Variants in ZNF804B observed in about 807,000 individuals in gnomAD.
The protein encoded by ZNF804B is zinc finger protein 804B.
Under a neutral mutation model 101.4 loss-of-function variants are expected in ZNF804B, and 80 were observed. The observed-to-expected ratio is 0.79, with a 90% CI of 0.66 to 0.95. ZNF804B has a LOEUF of 0.95. Ranked by LOEUF, ZNF804B falls within the 40% of genes least tolerant of loss-of-function variation. The pLI, the probability that ZNF804B is intolerant of heterozygous loss-of-function variation, is 0.00. For synonymous variants in ZNF804B, 622 were observed against 558.8 expected, an observed-to-expected ratio of 1.11 and a Z score of -1.59; for missense variants, 1,673 against 1,561.9, an observed-to-expected ratio of 1.07 and a Z score of -1.20.
chr7:89,267,324 T>C (rs1789812813), intron 2 of ZNF804B, among the ~76,000 whole-genome samples: 1 of 152,192 alleles, frequency 6.6e-6, no homozygotes, highest in South Asian at 2.1e-4. Context: ...ATAGTAGCTA[T>C]TTGATATCAG....
chr7:89,334,104 C>T lies in ZNF804B; in HGVS notation c.1122C>T (p.Asn374=), dbSNP rs1791032472. ...CCTTCAGCCCACCAAACATTTACAA[C>T]CATAGTGATGCCAGGATATCTGAAT... The part of the protein sequence containing the change: ...NASFSPPNIY[N]HSDARISECL... The change falls in exon 4 of 4, where the codon AAC becomes AAT. Residue 374 remains asparagine (N), a synonymous_variant. Transcript: ENST00000333190. 2 of 1,613,608 alleles carry T rather than the reference C, an allele frequency of 1.2e-6. No individual in the cohort carries two copies. The highest frequency in any genetic ancestry group is 2.2e-5 in the East Asian group (1 of 44,880).
chr7:88,928,093 C>A (rs1792833436), intron 1 of ZNF804B, among the ~76,000 whole-genome samples: 1 of 152,242 alleles, frequency 6.6e-6, no homozygotes, highest in African/African-American at 2.4e-5. Context: ...GACCAGTCTT[C>A]CAGAAGCTGG....
intron 2 of ZNF804B, among the ~76,000 whole-genome samples, chr7:89,289,149 A>G (rs61385983): frequency 7.2e-6 from 1 of 139,604 alleles, no homozygotes; most frequent in Admixed American, 7.2e-5. Flanking sequence ...AATCTATTAC[A>G]ATGGTAAGAA....
chr7:89,103,568 G>A (rs1790092610), intron 1 of ZNF804B, among the ~76,000 whole-genome samples: 1 of 151,764 alleles, frequency 6.6e-6, no homozygotes, highest in Admixed American at 6.6e-5. Context: ...AAGTGCTACT[G>A]ATTTTTGTTT....
intron 1 of ZNF804B, among the ~76,000 whole-genome samples, chr7:89,027,362 A>G (rs1788766741): frequency 6.6e-6 from 1 of 152,158 alleles, no homozygotes; most frequent in South Asian, 2.1e-4. Flanking sequence ...ACAATGGTAG[A>G]TGGACTAACC....
At chr7:89,315,143 TG>T (rs905815746) in intron 2 of ZNF804B, among the ~76,000 whole-genome samples, 2 of 152,006 alleles carry the variant, frequency 1.3e-5, no homozygotes, top group African/African-American at 4.8e-5. Flanking sequence ...TGTCACATGG[TG>T]AGAGCGAGAG....
chr7:89,194,853 G>A (rs969461270), intron 1 of ZNF804B, among the ~76,000 whole-genome samples: 1 of 151,962 alleles, frequency 6.6e-6, no homozygotes, highest in Non-Finnish European at 1.5e-5. Flanking sequence ...TGTGAAGAAA[G>A]TCATTGGTTG....
chr7:89,277,752 T>G (rs1181661460), intron 2 of ZNF804B, among the ~76,000 whole-genome samples: 1 of 151,940 alleles, frequency 6.6e-6, no homozygotes, highest in African/African-American at 2.4e-5. Flanking sequence ...TCTATCATTT[T>G]TGGACATTTG....
chr7:89,070,585 G>A (rs1455018311), intron 1 of ZNF804B, among the ~76,000 whole-genome samples: 1 of 152,142 alleles, frequency 6.6e-6, no homozygotes, highest in Non-Finnish European at 1.5e-5. Flanking sequence ...TTCTTCATCT[G>A]TAAATTGATG....
At chr7:88,800,779 G>A (rs1395948133) in intron 1 of ZNF804B, among the ~76,000 whole-genome samples, 1 of 151,500 alleles carries the variant, frequency 6.6e-6, no homozygotes, top group East Asian at 2.0e-4. Context: ...GATAGGAAGT[G>A]TGGCACACCA....
At chr7:88,941,067 A>G (rs1249706091) in intron 1 of ZNF804B, among the ~76,000 whole-genome samples, 3 of 152,000 alleles carry the variant, frequency 2.0e-5, no homozygotes, top group African/African-American at 7.2e-5. Context: ...AATAACTAAC[A>G]GCTATTTAAT....
At chr7:89,261,623 T>C (rs1484643804) in intron 2 of ZNF804B, among the ~76,000 whole-genome samples, 1 of 152,194 alleles carries the variant, frequency 6.6e-6, no homozygotes, top group Non-Finnish European at 1.5e-5. Flanking sequence ...TTAAAAAACC[T>C]AGATGGTATA....
At chr7:88,825,608 C>T (rs1490973633) in intron 1 of ZNF804B, among the ~76,000 whole-genome samples, 2 of 152,158 alleles carry the variant, frequency 1.3e-5, no homozygotes, top group Non-Finnish European at 2.9e-5. Context: ...CCTTCAGCAT[C>T]ACTGTGTCCC....
At chr7:88,817,327 A>G (rs1011954448) in intron 1 of ZNF804B, among the ~76,000 whole-genome samples, 5 of 152,150 alleles carry the variant, frequency 3.3e-5, no homozygotes, top group African/African-American at 1.2e-4. Flanking sequence ...ACATGTATAC[A>G]TATGTAACAA....
At chr7:89,023,290 C>G (rs1788697532) in intron 1 of ZNF804B, among the ~76,000 whole-genome samples, 1 of 152,108 alleles carries the variant, frequency 6.6e-6, no homozygotes, top group East Asian at 1.9e-4. Flanking sequence ...TTCAAATTCC[C>G]CACTGAAGAA....
chr7:88,798,737 T>G lies in ZNF804B; in HGVS notation c.108+38653T>G, dbSNP rs200605778. On this transcript the variant is annotated intron_variant, in intron 1 of 3. Transcript: ENST00000333190. ...TAGAAGCAACATGCAATTCAGACAG[T>G]TTTTGATTCATTGTCTTGTGTAATT... Among the ~76,000 whole-genome samples, 15 of 152,204 alleles carry G rather than the reference T, an allele frequency of 9.9e-5. No homozygotes were observed. In the East Asian group the frequency reaches 2.5e-3, roughly 25 times the overall value.
chr7:88,810,497 C>CG (rs1790767597), intron 1 of ZNF804B, among the ~76,000 whole-genome samples: 1 of 132,406 alleles, frequency 7.6e-6, no homozygotes, highest in Admixed American at 7.6e-5. Context: ...TACAAAAGTC[C>CG]AAAAAAAAAA....
intron 1 of ZNF804B, among the ~76,000 whole-genome samples, chr7:89,025,518 C>T (rs1025310404): frequency 6.6e-6 from 1 of 152,074 alleles, no homozygotes; most frequent in Non-Finnish European, 1.5e-5. Context: ...TTAGAACAAA[C>T]TTCCTGATAC....
At chr7:88,787,903 G>A (rs1562793459) in intron 1 of ZNF804B, among the ~76,000 whole-genome samples, 1 of 152,132 alleles carries the variant, frequency 6.6e-6, no homozygotes, top group Admixed American at 6.6e-5. Flanking sequence ...CCTAAGCAGG[G>A]CACAGAAACA....
Sources: gnomAD v4.1 joint callset for allele counts (sites outside exome capture counted in the v4.1 genomes callset) on GRCh38, gnomAD v4.1.1 for gene constraint, MANE v1.5 for transcripts, NCBI Gene and HGNC (gene_info 2026-07-23, HGNC 2026-07-21) for gene names.